AOPEP: variants seen among roughly 807,000 people sequenced by gnomAD.
AOPEP encodes the protein aminopeptidase O.
In AOPEP, 77 loss-of-function variants were observed where a neutral mutation model predicts 98.1. The observed-to-expected ratio is 0.78, with a 90% CI of 0.65 to 0.95. AOPEP has a LOEUF of 0.95. Ranked by LOEUF, AOPEP falls within the 40% of genes least tolerant of loss-of-function variation. The pLI is 0.00. For synonymous variants in AOPEP, 346 were observed against 365.3 expected (o/e 0.95, Z 0.60); for missense variants, 1,024 against 1,024.7 (o/e 1.00, Z 0.01).
intron 3 of AOPEP, among the ~76,000 whole-genome samples, chr9:94,784,897 G>A (rs1362428028): frequency 6.6e-6 from 1 of 152,108 alleles, no homozygotes; most frequent in African/African-American, 2.4e-5. Context: ...GATTACCGGC[G>A]TGAGTCACTG....
intron 1 of AOPEP, among the ~76,000 whole-genome samples, chr9:94,729,537 CACTCCA>C (rs1830026358): frequency 2.0e-5 from 3 of 150,044 alleles, no homozygotes; most frequent in Admixed American, 2.0e-4. Flanking sequence ...GGCGCCACTG[CACTCCA>C]GCCTGGGAGA....
chr9:94,848,086 T>C (rs556008918), intron 5 of AOPEP, among the ~76,000 whole-genome samples: 1 of 152,296 alleles, frequency 6.6e-6, no homozygotes, highest in South Asian at 2.1e-4. Flanking sequence ...CAGTTACTTA[T>C]TAGATTCTCA....
chr9:94,840,686 CTATT>C (rs1335117281), intron 5 of AOPEP, among the ~76,000 whole-genome samples: 1 of 151,952 alleles, frequency 6.6e-6, no homozygotes, highest in African/African-American at 2.4e-5. Flanking sequence ...ATTTCTAGGA[CTATT>C]TATGCTGTCT....
the AOPEP span, among the ~76,000 whole-genome samples, chr9:95,138,648 GTCT>G: frequency 6.6e-6 from 1 of 152,202 alleles, no homozygotes; most frequent in East Asian, 1.9e-4. Context: ...GCAGTGAGAG[GTCT>G]TCTGCCAGTA....
intron 5 of AOPEP, among the ~76,000 whole-genome samples, chr9:94,803,140 T>A (rs951875941): frequency 7.2e-5 from 11 of 151,876 alleles, no homozygotes; most frequent in African/African-American, 1.9e-4. Flanking sequence ...CTAGGAGGAG[T>A]CATCCAAAAA....
At chr9:94,751,825 A>T (rs1408211748) in intron 1 of AOPEP, among the ~76,000 whole-genome samples, 1 of 147,108 alleles carries the variant, frequency 6.8e-6, no homozygotes, top group Non-Finnish European at 1.5e-5. Context: ...ATATTGCATG[A>T]TGCTGAGGTT....
At chr9:94,967,864 C>A in intron 10 of AOPEP, 63 bp downstream of exon 10, 1 of 1,361,332 alleles carries the variant, frequency 7.3e-7, no homozygotes, top group Non-Finnish European at 1.1e-6. Flanking sequence ...AATGACATTG[C>A]CATTGGTTGG....
chr9:94,777,431 CAAA>C (rs949209063), intron 3 of AOPEP, among the ~76,000 whole-genome samples: 5 of 91,996 alleles, frequency 5.4e-5, no homozygotes, highest in African/African-American at 4.1e-5. Context: ...GACTCCATCT[CAAA>C]AAAAAAAAAA....
chr9:94,916,257 GT>G (rs1564374043), intron 5 of AOPEP, among the ~76,000 whole-genome samples: 1 of 152,188 alleles, frequency 6.6e-6, no homozygotes, highest in South Asian at 2.1e-4. Context: ...CCGTGGGGAG[GT>G]GAGGGAGTGG....
the AOPEP span, among the ~76,000 whole-genome samples, chr9:95,105,381 T>C: frequency 6.6e-6 from 1 of 152,186 alleles, no homozygotes; most frequent in African/African-American, 2.4e-5. Context: ...ACAGGTGTTG[T>C]TGGTTTGTGA....
chr9:94,753,615 T>A (rs1036616444), intron 1 of AOPEP, among the ~76,000 whole-genome samples: 2 of 152,322 alleles, frequency 1.3e-5, no homozygotes, highest in South Asian at 2.1e-4. Context: ...GAGATGGTGC[T>A]GTTACAACTG....
At chr9:94,768,193 G>C (rs1840050807) in intron 2 of AOPEP, among the ~76,000 whole-genome samples, 2 of 152,126 alleles carry the variant, frequency 1.3e-5, no homozygotes, top group Admixed American at 1.3e-4. Flanking sequence ...CCAGAGATCA[G>C]GTCAGGGCCT....
At chr9:95,128,887 T>C in the AOPEP span, among the ~76,000 whole-genome samples, 90 of 152,020 alleles carry the variant, frequency 5.9e-4, no homozygotes, top group Non-Finnish European at 1.1e-3. Flanking sequence ...ACGGCAGAGA[T>C]TTTGATTTGA....
intron 5 of AOPEP, among the ~76,000 whole-genome samples, chr9:94,873,697 T>C (rs1454873821): frequency 6.6e-6 from 1 of 152,254 alleles, no homozygotes; most frequent in African/African-American, 2.4e-5. Context: ...CTTTGGTTTA[T>C]TATGTTTACA....
chr9:95,107,031 T>C, the AOPEP span: 1 of 1,609,686 alleles, frequency 6.2e-7, no homozygotes, highest in Non-Finnish European at 8.5e-7. Context: ...GGAGCAGAAA[T>C]GAGTACTAGG....
chr9:95,005,338 G>C (rs943168412), intron 12 of AOPEP, 118 bp downstream of exon 12: 57 of 723,654 alleles, frequency 7.9e-5, no homozygotes, highest in Non-Finnish European at 1.1e-4. Context: ...GCCAGGCTCC[G>C]GCTCGGGCGC....
the AOPEP span, among the ~76,000 whole-genome samples, chr9:95,142,051 G>A: frequency 1.7e-5 from 2 of 119,134 alleles, no homozygotes; most frequent in Non-Finnish European, 3.2e-5. Context: ...GGAGTGCAAT[G>A]GCACGATCTC....
chr9:94,952,694 T>C (rs1757633283), intron 7 of AOPEP, among the ~76,000 whole-genome samples: 1 of 152,216 alleles, frequency 6.6e-6, no homozygotes, highest in Admixed American at 6.5e-5. Context: ...GTTTCCTGTT[T>C]CCATTCATAG....
Position 95,005,537 on chromosome 9 carries a change from C to G in AOPEP, c.2041-5C>G, listed in dbSNP as rs767069329. On this transcript the variant is annotated splice_polypyrimidine_tract_variant and splice_region_variant and intron_variant, in intron 12 of 16. Transcript: ENST00000375315. ...CTTTGAAATGCTGTGGTTTTTGAAC[C>G]TCAGGTCACGAAATGGATTGGAGTG... 2 of 1,613,554 alleles carry G rather than the reference C, an allele frequency of 1.2e-6. No homozygotes were observed. The highest frequency in any genetic ancestry group is 2.2e-5 in the East Asian group (1 of 44,856).
Sources: gnomAD v4.1 joint callset for allele counts (sites outside exome capture counted in the v4.1 genomes callset) on GRCh38, gnomAD v4.1.1 for gene constraint, MANE v1.5 for transcripts, NCBI Gene and HGNC (gene_info 2026-07-23, HGNC 2026-07-21) for gene names.